The following NRG3 variants were observed in gnomAD, a reference collection of about 807,000 sequenced individuals.
NRG3 encodes the protein pro-neuregulin-3, membrane-bound isoform.
A neutral mutation model predicts 66.9 loss-of-function variants in NRG3; 31 were observed. The ratio of observed to expected loss-of-function variants is 0.46; its 90% CI spans 0.35 to 0.63. NRG3 has a LOEUF of 0.63. Among genes scored for constraint, NRG3 ranks in the 20% least tolerant of loss-of-function variants. The pLI is 0.00. For missense variants in NRG3, 910 were observed against 878.9 expected (o/e 1.04, Z -0.45); for synonymous variants, 393 against 359.4 (o/e 1.09, Z -1.06).
At chr10:82,238,046 C>T (rs1275076843) in intron 1 of NRG3, among the ~76,000 whole-genome samples, 1 of 152,120 alleles carries the variant, frequency 6.6e-6, no homozygotes, top group Non-Finnish European at 1.5e-5. Flanking sequence ...TTTGAAGGTA[C>T]TGATTTTACT....
chr10:82,417,329 A>T (rs2088655439), intron 2 of NRG3, among the ~76,000 whole-genome samples: 1 of 152,172 alleles, frequency 6.6e-6, no homozygotes, highest in South Asian at 2.1e-4. Context: ...AGTAGTGGCA[A>T]TGGAAGAAGA....
intron 2 of NRG3, among the ~76,000 whole-genome samples, chr10:82,450,070 T>G (rs113481290): frequency 6.6e-6 from 1 of 152,228 alleles, no homozygotes; most frequent in Non-Finnish European, 1.5e-5. Flanking sequence ...GAAAAATAAG[T>G]TTGAGATATG....
intron 2 of NRG3, among the ~76,000 whole-genome samples, chr10:82,384,200 T>G (rs1330585465): frequency 6.6e-6 from 1 of 152,174 alleles, no homozygotes; most frequent in Non-Finnish European, 1.5e-5. Flanking sequence ...AAAAATGTCT[T>G]TAAGTTGTTT....
intron 3 of NRG3, among the ~76,000 whole-genome samples, chr10:82,849,681 G>T (rs1198936062): frequency 6.6e-6 from 1 of 152,208 alleles, no homozygotes; most frequent in African/African-American, 2.4e-5. Flanking sequence ...ATTATAGGCA[G>T]ATGCAGCAGC....
intron 4 of NRG3, among the ~76,000 whole-genome samples, chr10:82,876,373 G>T (rs535718935): frequency 6.6e-6 from 1 of 152,296 alleles, no homozygotes; most frequent in Non-Finnish European, 1.5e-5. Context: ...TTGGGGCAAT[G>T]AATTCTAGTT....
intron 2 of NRG3, among the ~76,000 whole-genome samples, chr10:82,591,688 C>T (rs687034): frequency 0.084 from 12,843 of 152,166 alleles, 626 homozygotes; most frequent in East Asian, 0.15. Flanking sequence ...AGTAACTTTC[C>T]CAAGGCCATT....
rs80210101 is a variant in NRG3 at position 82,552,508 on chromosome 10, T to G, written c.954-186069T>G. Among the ~76,000 whole-genome samples the G allele has an allele frequency of 6.5e-3, 983 of 152,270 alleles. 9 individuals are homozygous for G. Among genetic ancestry groups the G allele is most frequent in the African/African-American group, 0.023 (936 of 41,570 alleles). ...TGACTGATAACTTTTTTGAGTACTT[T>G]ATATGTATTATTCAGCGTAATGCTC... On this transcript the variant is annotated intron_variant, in intron 2 of 8. Coordinates refer to ENST00000372141, the MANE Select transcript of NRG3 (RefSeq NM_001010848.4).
chr10:82,901,208 A>C (rs1198102255), intron 4 of NRG3, among the ~76,000 whole-genome samples: 1 of 152,184 alleles, frequency 6.6e-6, no homozygotes, highest in Non-Finnish European at 1.5e-5. Context: ...TATTCTCAAA[A>C]ATATATTACA....
chr10:81,932,222 G>C (rs966846817), intron 1 of NRG3, among the ~76,000 whole-genome samples: 10 of 150,828 alleles, frequency 6.6e-5, no homozygotes, highest in African/African-American at 2.5e-4. Flanking sequence ...GAGAGAGAGA[G>C]AGAGATTGAG....
At chr10:82,875,650 G>T (rs1349728520) in intron 4 of NRG3, among the ~76,000 whole-genome samples, 4 of 152,144 alleles carry the variant, frequency 2.6e-5, no homozygotes, top group African/African-American at 9.7e-5. Context: ...GAGCCAACGT[G>T]CCTGGCCCAC....
At chr10:82,090,227 A>G (rs908039996) in intron 1 of NRG3, among the ~76,000 whole-genome samples, 1 of 152,234 alleles carries the variant, frequency 6.6e-6, no homozygotes, top group Admixed American at 6.5e-5. Flanking sequence ...TGAGAATACT[A>G]ATAGCCTGTG....
chr10:82,887,776 A>G (rs1178317012), intron 4 of NRG3, among the ~76,000 whole-genome samples: 1 of 152,228 alleles, frequency 6.6e-6, no homozygotes, highest in Non-Finnish European at 1.5e-5. Flanking sequence ...AAATAAAGAA[A>G]CTGAACTATG....
chr10:82,560,914 T>TAGG (rs1565071448), intron 2 of NRG3, among the ~76,000 whole-genome samples: 1 of 152,072 alleles, frequency 6.6e-6, no homozygotes, highest in African/African-American at 2.4e-5. Context: ...AGGTCCCTAA[T>TAGG]ATATTAACTA....
At chr10:81,977,785 A>T (rs982897741) in intron 1 of NRG3, among the ~76,000 whole-genome samples, 1 of 152,218 alleles carries the variant, frequency 6.6e-6, no homozygotes, top group African/African-American at 2.4e-5. Context: ...TATACAATGG[A>T]GAAAGTAAAA....
At chr10:82,558,853 G>A (rs182033646) in intron 2 of NRG3, among the ~76,000 whole-genome samples, 93 of 151,912 alleles carry the variant, frequency 6.1e-4, no homozygotes, top group African/African-American at 2.1e-3. Flanking sequence ...TCTCCCTATC[G>A]GATATATAGT....
chr10:82,594,078 A>C (rs1436343978), intron 2 of NRG3, among the ~76,000 whole-genome samples: 1 of 152,174 alleles, frequency 6.6e-6, no homozygotes, highest in Non-Finnish European at 1.5e-5. Context: ...TTAAAGTATC[A>C]GAGCTGAGTG....
rs565794985 is a variant in NRG3, at chr10:82,607,753, G to T, written c.954-130824G>T. Among the ~76,000 whole-genome samples the T allele has an allele frequency of 3.3e-5, 5 of 150,408 alleles. No individual in the cohort carries two copies. The East Asian group carries it at 7.8e-4, about 24-fold the overall frequency. On this transcript the variant is annotated intron_variant, in intron 2 of 8. Transcript: ENST00000372141. ...ATATTAATTATACTTCTTTTTTCCT[G>T]TTTTCTGTAGTAGTTGCCCTGGAGT...
intron 2 of NRG3, among the ~76,000 whole-genome samples, chr10:82,425,899 G>A (rs2089402335): frequency 6.6e-6 from 1 of 152,160 alleles, no homozygotes; most frequent in Admixed American, 6.5e-5. Context: ...TCCTATTGAT[G>A]TGGTGATAAG....
At chr10:82,378,555 CTCTCT>C (rs1302053213) in intron 2 of NRG3, among the ~76,000 whole-genome samples, 1 of 151,598 alleles carries the variant, frequency 6.6e-6, no homozygotes, top group Non-Finnish European at 1.5e-5. Flanking sequence ...TTCTCTTCTA[CTCTCT>C]TCTCTTTTTT....
Sources: gnomAD v4.1 joint callset for allele counts (sites outside exome capture counted in the v4.1 genomes callset) on GRCh38, gnomAD v4.1.1 for gene constraint, MANE v1.5 for transcripts, NCBI Gene and HGNC (gene_info 2026-07-23, HGNC 2026-07-21) for gene names.